The following SLC24A3 variants were observed in gnomAD, a reference collection of about 807,000 sequenced individuals.
SLC24A3 encodes the protein sodium/potassium/calcium exchanger 3.
SLC24A3 carries 28 observed loss-of-function variants against 75.8 expected under a neutral mutation model. The observed-to-expected ratio is 0.37, with a 90% CI of 0.27 to 0.51. The LOEUF is 0.51. SLC24A3 is among the 20% of genes least tolerant of loss of function. The pLI is 0.94. For missense variants in SLC24A3, 663 were observed against 847.8 expected, an observed-to-expected ratio of 0.78 and a Z score of 2.71; for synonymous variants, 372 against 334.1, an observed-to-expected ratio of 1.11 and a Z score of -1.24.
intron 9 of SLC24A3, among the ~76,000 whole-genome samples, chr20:19,675,873 T>A (rs769144349): frequency 6.6e-6 from 1 of 152,118 alleles, no homozygotes; most frequent in Non-Finnish European, 1.5e-5. Context: ...AGTGCCAAAG[T>A]GGGGAAGCCT....
chr20:19,717,452 A>G, intron 15 of SLC24A3, 76 bp from the exon 16 acceptor site: 1 of 1,471,898 alleles, frequency 6.8e-7, no homozygotes, highest in South Asian at 1.2e-5. Context: ...TTGCGTAGGC[A>G]GATGCCTTTT....
In SLC24A3 at chr20:19,325,795, TAGAGAGAGAGAGAGAGAG is replaced by T. The variant is rs745745496; in HGVS notation, c.271+44735_271+44752del. 2.5e-4 allele frequency among the ~76,000 whole-genome samples: 17 copies of T among 67,796 alleles called. 1 individual carries two copies. The highest frequency in any genetic ancestry group is 7.8e-4 in the African/African-American group (14 of 18,060). 44.5% of individuals were successfully genotyped at this position (67,796 alleles called of 152,430 possible). A position where few individuals can be genotyped will look rare whatever the true frequency, so the allele number is the denominator to read the frequency against. On this transcript the variant is annotated intron_variant, in intron 2 of 16. Coordinates refer to ENST00000328041, the MANE Select transcript of SLC24A3 (RefSeq NM_020689.4). ...ATATATACATATATATATATATATA[TAGAGAGAGAGAGAGAGAG>T]AGAGAGAGAGAGAGAGAGAGAGAGA...
At chr20:19,215,082 G>T (rs1296942949) in intron 1 of SLC24A3, among the ~76,000 whole-genome samples, 1 of 152,120 alleles carries the variant, frequency 6.6e-6, no homozygotes, top group Non-Finnish European at 1.5e-5. Context: ...GTAGTATTTT[G>T]CAGCAAGACA....
intron 6 of SLC24A3, among the ~76,000 whole-genome samples, chr20:19,631,812 GT>G (rs2031938208): frequency 3.3e-5 from 5 of 151,750 alleles, no homozygotes; most frequent in Admixed American, 2.6e-4. Context: ...GTGTGTGTGT[GT>G]GTGTGTGTGT....
intron 2 of SLC24A3, among the ~76,000 whole-genome samples, chr20:19,327,965 A>G (rs921947480): frequency 1.3e-5 from 2 of 151,878 alleles, no homozygotes; most frequent in African/African-American, 4.8e-5. Flanking sequence ...AATGTAAAGT[A>G]TGCTCGAAAG....
At chr20:19,342,192 C>T (rs1238244923) in intron 2 of SLC24A3, among the ~76,000 whole-genome samples, 3 of 152,086 alleles carry the variant, frequency 2.0e-5, no homozygotes, top group Admixed American at 1.3e-4. Flanking sequence ...AATGCAATGC[C>T]CTATTCAGTG....
intron 6 of SLC24A3, among the ~76,000 whole-genome samples, chr20:19,651,394 TAC>T (rs1555804796): frequency 1.9e-4 from 16 of 83,256 alleles, no homozygotes; most frequent in African/African-American, 1.4e-3. Context: ...TATATATATA[TAC>T]ACACATATAT....
rs113510584 is a variant in SLC24A3, at chr20:19,582,534, A to G, written c.424-2437A>G. ...GAAAATGGGAGAAAGAGAAGGAGAT[A>G]AAGGCAATGATCCAGGATCCGAAAC... On this transcript the variant is annotated intron_variant, in intron 4 of 16. Transcript: ENST00000328041. 5.4e-3 allele frequency among the ~76,000 whole-genome samples: 823 copies of G among 152,334 alleles called. 4 individuals are homozygous for G. The highest frequency in any genetic ancestry group is 0.014 in the Middle Eastern group (4 of 294).
intron 2 of SLC24A3, among the ~76,000 whole-genome samples, chr20:19,334,405 A>ATG: frequency 6.6e-6 from 1 of 151,810 alleles, no homozygotes; most frequent in Non-Finnish European, 1.5e-5. Flanking sequence ...GAAGCATACA[A>ATG]AAGTATATGA....
intron 2 of SLC24A3, among the ~76,000 whole-genome samples, chr20:19,331,640 A>T (rs1985003006): frequency 6.6e-6 from 1 of 152,190 alleles, no homozygotes; most frequent in Admixed American, 6.5e-5. Flanking sequence ...TAAATAAATC[A>T]GGCCCCCTTT....
At chr20:19,295,231 T>C (rs1354261361) in intron 2 of SLC24A3, among the ~76,000 whole-genome samples, 3 of 152,222 alleles carry the variant, frequency 2.0e-5, no homozygotes, top group East Asian at 1.9e-4. Flanking sequence ...ACTTTGCTGA[T>C]GTTGCTTGTC....
At chr20:19,277,556 G>A (rs1268202264) in intron 1 of SLC24A3, among the ~76,000 whole-genome samples, 2 of 152,176 alleles carry the variant, frequency 1.3e-5, no homozygotes, top group Admixed American at 1.3e-4. Flanking sequence ...GAAGGAAATG[G>A]ATGCAATGCA....
At chr20:19,361,196 ATC>A (rs1985780990) in intron 2 of SLC24A3, among the ~76,000 whole-genome samples, 2 of 152,214 alleles carry the variant, frequency 1.3e-5, no homozygotes, top group Admixed American at 6.5e-5. Context: ...GTGGAAAGAT[ATC>A]TGCTAAAGCT....
chr20:19,250,466 C>G (rs1982618566), intron 1 of SLC24A3, among the ~76,000 whole-genome samples: 1 of 152,168 alleles, frequency 6.6e-6, no homozygotes, highest in African/African-American at 2.4e-5. Flanking sequence ...TTCATTAAAG[C>G]CAGTCCCATT....
intron 6 of SLC24A3, among the ~76,000 whole-genome samples, chr20:19,598,507 C>T (rs1462326231): frequency 6.6e-6 from 1 of 152,032 alleles, no homozygotes; most frequent in Non-Finnish European, 1.5e-5. Context: ...TTTCTTCTTC[C>T]CTTCCCTATA....
intron 1 of SLC24A3, among the ~76,000 whole-genome samples, chr20:19,232,613 C>A (rs1982055056): frequency 6.6e-6 from 1 of 152,220 alleles, no homozygotes; most frequent in Non-Finnish European, 1.5e-5. Context: ...GCTCTCCAGG[C>A]ATCACCGTAG....
intron 1 of SLC24A3, 40 bp from the exon 2 acceptor site, chr20:19,280,919 A>G: frequency 1.2e-6 from 2 of 1,605,190 alleles, no homozygotes; most frequent in Non-Finnish European, 1.7e-6. Context: ...GCTGAAACCC[A>G]GCTGTGAATG....
At chr20:19,300,513 C>T (rs889293151) in intron 2 of SLC24A3, among the ~76,000 whole-genome samples, 6 of 152,172 alleles carry the variant, frequency 3.9e-5, no homozygotes, top group Non-Finnish European at 7.4e-5. Context: ...AACCAGGAGA[C>T]GTAATGACAA....
chr20:19,584,869 C>T (rs2031272869), intron 4 of SLC24A3, 102 bp from the exon 5 acceptor site: 2 of 1,021,618 alleles, frequency 2.0e-6, no homozygotes, highest in Non-Finnish European at 2.9e-6. Flanking sequence ...CGCTGAAGCC[C>T]CAGTCTTTGC....
Sources: allele counts gnomAD v4.1 joint callset (sites outside exome capture counted in the v4.1 genomes callset), GRCh38; gene constraint gnomAD v4.1.1; transcripts MANE v1.5; gene names NCBI Gene and HGNC (gene_info 2026-07-23, HGNC 2026-07-21).